Variants in SOX5 observed in about 807,000 individuals in gnomAD.
The protein encoded by SOX5 is SRY-box transcription factor 5.
Under a neutral mutation model 92.0 loss-of-function variants are expected in SOX5, and 9 were observed. The observed-to-expected ratio is 0.10, with a 90% CI of 0.06 to 0.17. SOX5 has a LOEUF of 0.17. Among genes scored for constraint, SOX5 ranks in the 10% least tolerant of loss-of-function variants. SOX5 has a pLI of 1.00. For missense variants in SOX5, 642 were observed against 944.5 expected (o/e 0.68, Z 4.20); for synonymous variants, 344 against 336.3 (o/e 1.02, Z -0.25).
chr12:24,123,897 G>A (rs765531834), intron 4 of SOX5, among the ~76,000 whole-genome samples: 7 of 152,126 alleles, frequency 4.6e-5, no homozygotes, highest in East Asian at 1.9e-4. Flanking sequence ...CTTGGTAGGC[G>A]ATCCCAATCT....
At chr12:23,600,406 C>T (rs762802762) in intron 9 of SOX5, among the ~76,000 whole-genome samples, 30 of 150,784 alleles carry the variant, frequency 2.0e-4, no homozygotes, top group South Asian at 4.2e-4. Context: ...AAGAGACAAG[C>T]GTATGAGTAT....
At chr12:23,850,454 A>T (rs906842247) in intron 2 of SOX5, among the ~76,000 whole-genome samples, 2 of 101,542 alleles carry the variant, frequency 2.0e-5, no homozygotes, top group African/African-American at 3.5e-5. Context: ...AAATAAATAA[A>T]AAAAAAATAA....
intron 10 of SOX5, among the ~76,000 whole-genome samples, chr12:23,565,615 T>C (rs772445281): frequency 2.0e-5 from 3 of 152,212 alleles, no homozygotes; most frequent in African/African-American, 4.8e-5. Flanking sequence ...TAAATTATTA[T>C]GAGGGGGAGT....
At chr12:24,220,023 G>A (rs1456881243) in intron 3 of SOX5, among the ~76,000 whole-genome samples, 8 of 151,904 alleles carry the variant, frequency 5.3e-5, no homozygotes, top group East Asian at 3.9e-4. Context: ...TACATAACTC[G>A]GTAATTAATG....
At chr12:24,483,754 A>G (rs1230282154) in intron 1 of SOX5, among the ~76,000 whole-genome samples, 8 of 152,322 alleles carry the variant, frequency 5.3e-5, no homozygotes, top group Non-Finnish European at 1.2e-4. Flanking sequence ...CCTAAATTGG[A>G]TATAAATTAG....
At chr12:23,864,073 AT>A (rs1287488902) in intron 2 of SOX5, among the ~76,000 whole-genome samples, 1 of 151,754 alleles carries the variant, frequency 6.6e-6, no homozygotes, top group Non-Finnish European at 1.5e-5. Flanking sequence ...TCTGTGTCAC[AT>A]TTTGGTAATT....
chr12:23,978,477 C>T (rs887779870), intron 4 of SOX5, among the ~76,000 whole-genome samples: 3 of 152,156 alleles, frequency 2.0e-5, no homozygotes, highest in Non-Finnish European at 4.4e-5. Flanking sequence ...TATCTAGCTT[C>T]CCTAAATACT....
intron 1 of SOX5, among the ~76,000 whole-genome samples, chr12:24,374,944 T>C (rs145134171): frequency 5.6e-4 from 86 of 152,236 alleles, no homozygotes; most frequent in African/African-American, 1.9e-3. Flanking sequence ...GGGTGCAGGG[T>C]TGGCACCTGA....
At chr12:24,053,186 C>CT (rs771905340) in intron 4 of SOX5, among the ~76,000 whole-genome samples, 17,924 of 144,424 alleles carry the variant, frequency 0.12, 1,321 homozygotes, top group Non-Finnish European at 0.16. Flanking sequence ...ACGCCCCCCC[C>CT]CTTTTTTTTT....
intron 4 of SOX5, among the ~76,000 whole-genome samples, chr12:24,072,855 T>C (rs1224001413): frequency 2.0e-5 from 3 of 152,244 alleles, no homozygotes; most frequent in African/African-American, 7.2e-5. Flanking sequence ...ACATTTACTA[T>C]AATTTAAATT....
intron 6 of SOX5, among the ~76,000 whole-genome samples, chr12:23,716,797 G>T (rs1050205880): frequency 6.6e-6 from 1 of 152,136 alleles, no homozygotes. Flanking sequence ...TAAGTGACTT[G>T]TACAAAGTTA....
chr12:24,045,865 G>T (rs1408468309), intron 4 of SOX5, among the ~76,000 whole-genome samples: 1 of 151,644 alleles, frequency 6.6e-6, no homozygotes, highest in Non-Finnish European at 1.5e-5. Flanking sequence ...GGAGCTGCAT[G>T]GTTCTCCTCT....
upstream of SOX5, among the ~76,000 whole-genome samples, chr12:23,951,202 A>G (rs916218678): frequency 4.6e-5 from 7 of 152,142 alleles, no homozygotes; most frequent in South Asian, 2.1e-4. Context: ...ACTGGGGGCT[A>G]TTCTGGAAAT....
At chr12:23,568,700 T>C (rs1309239656) in intron 10 of SOX5, among the ~76,000 whole-genome samples, 1 of 152,098 alleles carries the variant, frequency 6.6e-6, no homozygotes, top group East Asian at 1.9e-4. Flanking sequence ...CCTCTAAAGA[T>C]ACAAGGCAGG....
intron 4 of SOX5, among the ~76,000 whole-genome samples, chr12:24,156,157 G>A (rs993863871): frequency 6.6e-6 from 1 of 152,046 alleles, no homozygotes; most frequent in African/African-American, 2.4e-5. Flanking sequence ...GTTTCATCCC[G>A]TTACCTGTAG....
chr12:24,232,133 T>C (rs1963525415), intron 3 of SOX5, among the ~76,000 whole-genome samples: 1 of 152,168 alleles, frequency 6.6e-6, no homozygotes, highest in Non-Finnish European at 1.5e-5. Flanking sequence ...CCACCTACCA[T>C]GGTATCTTGT....
chr12:23,635,234 TCCTGGGGTTATTC>T (rs2079070094), intron 8 of SOX5, among the ~76,000 whole-genome samples: 1 of 152,156 alleles, frequency 6.6e-6, no homozygotes, highest in African/African-American at 2.4e-5. Flanking sequence ...TGGGGTTATT[TCCTGGGGTTATTC>T]CAGGAAGAGA....
intron 4 of SOX5, among the ~76,000 whole-genome samples, chr12:24,143,782 C>A (rs141897365): frequency 6.9e-6 from 1 of 144,368 alleles, no homozygotes; most frequent in African/African-American, 2.6e-5. Flanking sequence ...GCAGACAGAA[C>A]GACAGGTAAT....
At chr12:23,788,622 A>G (rs1309798201) in intron 3 of SOX5, among the ~76,000 whole-genome samples, 6 of 152,006 alleles carry the variant, frequency 3.9e-5, no homozygotes, top group Admixed American at 1.3e-4. Flanking sequence ...ACCTTTAGGT[A>G]TGCTTGGACT....
Sources: allele counts gnomAD v4.1 joint callset (sites outside exome capture counted in the v4.1 genomes callset), GRCh38; gene constraint gnomAD v4.1.1; transcripts MANE v1.5; gene names NCBI Gene and HGNC (gene_info 2026-07-23, HGNC 2026-07-21).